Variants in SRPK2 observed in about 807,000 individuals in gnomAD.
The protein encoded by SRPK2 is SRSF protein kinase 2.
Under a neutral mutation model 90.8 loss-of-function variants are expected in SRPK2, and 21 were observed. The observed-to-expected ratio is 0.23, with a 90% CI of 0.16 to 0.33. The LOEUF is 0.33. Among genes scored for constraint, SRPK2 ranks in the 10% least tolerant of loss-of-function variants. SRPK2 has a pLI of 1.00. For missense variants in SRPK2, 620 were observed against 869.0 expected (o/e 0.71, Z 3.60); for synonymous variants, 288 against 311.1 (o/e 0.93, Z 0.78).
chr7:105,117,882 C>T lies in SRPK2; in HGVS notation c.2056G>A (p.Ala686Thr). The T allele has an allele frequency of 6.2e-7, 1 of 1,613,550 alleles. No individual in the cohort carries two copies. The highest frequency in any genetic ancestry group is 1.3e-5 in the African/African-American group (1 of 75,050). ...TGCCGAAGGCATTCGCCAGCTGAGGCTCGTTTTTCTGGAACCATTTCTAAC... is the reference window on the plus strand; with the variant it reads ...TGCCGAAGGCATTCGCCAGCTGAGGTTCGTTTTTCTGGAACCATTTCTAAC... ...PMLEMVPEKR[A>T]SAGECLRHPW... The change falls in exon 16 of 16, where the codon GCC (alanine) becomes ACC (threonine). Residue 686 changes from alanine (A) to threonine (T), a missense_variant. Physicochemically the swap from Ala to Thr is moderately conservative, Grantham distance 58. This residue lies in a region of SRPK2 where 71 missense variants were observed against 123.1 expected (regional missense o/e 0.58). Transcript: ENST00000393651.
chr7:105,379,139 C>T (rs926948135), intron 2 of SRPK2, among the ~76,000 whole-genome samples: 4 of 151,294 alleles, frequency 2.6e-5, no homozygotes, highest in African/African-American at 9.7e-5. Context: ...CAAAGCAAGA[C>T]CCAGTCTCTA....
chr7:105,294,207 G>A (rs1009929183), intron 2 of SRPK2, among the ~76,000 whole-genome samples: 19 of 152,290 alleles, frequency 1.2e-4, no homozygotes, highest in African/African-American at 3.4e-4. Context: ...AAGAAGTTCC[G>A]CAGTTTGAAC....
At chr7:105,303,364 A>G (rs186580563) in intron 2 of SRPK2, among the ~76,000 whole-genome samples, 1 of 152,266 alleles carries the variant, frequency 6.6e-6, no homozygotes, top group African/African-American at 2.4e-5. Context: ...CCTAATGTAA[A>G]TGATGAGTTA....
chr7:105,126,203 G>T, intron 15 of SRPK2, 45 bp downstream of exon 15: 1 of 1,463,024 alleles, frequency 6.8e-7, no homozygotes, highest in Non-Finnish European at 9.6e-7. Flanking sequence ...CTGCTCTTCA[G>T]TTTCTGTCTG....
intron 8 of SRPK2, 122 bp from the exon 9 acceptor site, chr7:105,145,430 T>A: frequency 1.7e-6 from 1 of 603,874 alleles, no homozygotes; most frequent in Non-Finnish European, 2.8e-6. Flanking sequence ...CTTCAAAAAC[T>A]ATTAATCAGA....
At chr7:105,360,772 G>C (rs868453101) in intron 2 of SRPK2, among the ~76,000 whole-genome samples, 1 of 151,990 alleles carries the variant, frequency 6.6e-6, no homozygotes, top group South Asian at 2.1e-4. Flanking sequence ...TGGGTAACCC[G>C]ACAGGCCTTC....
intron 7 of SRPK2, among the ~76,000 whole-genome samples, chr7:105,155,618 G>A (rs1450201026): frequency 2.0e-5 from 3 of 152,264 alleles, no homozygotes; most frequent in Non-Finnish European, 4.4e-5. Context: ...GCAGCCCTAG[G>A]GTTGAGATGG....
At chr7:105,252,348 G>C (rs978963659) in intron 2 of SRPK2, among the ~76,000 whole-genome samples, 3 of 151,888 alleles carry the variant, frequency 2.0e-5, no homozygotes, top group African/African-American at 7.3e-5. Flanking sequence ...AGGAAACAAA[G>C]GGCAAAAGGA....
chr7:105,322,449 A>G (rs538842800), intron 2 of SRPK2, among the ~76,000 whole-genome samples: 1 of 152,274 alleles, frequency 6.6e-6, no homozygotes, highest in South Asian at 2.1e-4. Flanking sequence ...GAACCTCAGA[A>G]ACGTCATGCA....
chr7:105,244,591 C>A, intron 2 of SRPK2: 1 of 633,406 alleles, frequency 1.6e-6, no homozygotes, highest in South Asian at 1.6e-5. Flanking sequence ...ATAAAAAAAT[C>A]CCAGAGTTCC....
At chr7:105,356,844 C>A (rs1817835380) in intron 2 of SRPK2, among the ~76,000 whole-genome samples, 1 of 152,090 alleles carries the variant, frequency 6.6e-6, no homozygotes, top group South Asian at 2.1e-4. Flanking sequence ...GTGGAAGATA[C>A]ATGATAGAGG....
chr7:105,175,527 A>G (rs1791728176), intron 3 of SRPK2, among the ~76,000 whole-genome samples: 1 of 152,138 alleles, frequency 6.6e-6, no homozygotes, highest in African/African-American at 2.4e-5. Context: ...AATATGAACT[A>G]TAAATAAGTA....
chr7:105,219,183 G>A (rs1797814227), intron 2 of SRPK2, among the ~76,000 whole-genome samples: 1 of 152,102 alleles, frequency 6.6e-6, no homozygotes, highest in African/African-American at 2.4e-5. Flanking sequence ...AGTGTAACCA[G>A]ATCACAATCT....
chr7:105,210,192 A>G (rs949082441), intron 2 of SRPK2, among the ~76,000 whole-genome samples: 1 of 152,232 alleles, frequency 6.6e-6, no homozygotes, highest in African/African-American at 2.4e-5. Flanking sequence ...CTCCTTTGCT[A>G]TCAGCTTAGA....
At chr7:105,298,427 A>C (rs9641345) in intron 2 of SRPK2, among the ~76,000 whole-genome samples, 27,471 of 152,052 alleles carry the variant, frequency 0.18, 3,110 homozygotes, top group East Asian at 0.58. Flanking sequence ...CTGTTAAAAA[A>C]GAAATGCTGC....
chr7:105,179,411 GA>G (rs773493893), intron 3 of SRPK2, among the ~76,000 whole-genome samples: 11 of 152,186 alleles, frequency 7.2e-5, no homozygotes, highest in Non-Finnish European at 1.3e-4. Context: ...TCAGAGTTAA[GA>G]GTATTGTCTA....
In SRPK2 at chr7:105,291,599, G is replaced by A. The variant is rs567642315; in HGVS notation, c.72-87814C>T. On this transcript the variant is annotated intron_variant, in intron 2 of 15. Coordinates refer to ENST00000393651, the MANE Select transcript of SRPK2 (RefSeq NM_182692.3). ...CAAAAAATTAGCCGGGCATGGTGGCGCACGCCTATAGTCCCAGCTACTCGG... is the reference window on the plus strand; with the variant it reads ...CAAAAAATTAGCCGGGCATGGTGGCACACGCCTATAGTCCCAGCTACTCGG... Among the ~76,000 whole-genome samples the A allele has an allele frequency of 4.2e-4, 64 of 152,192 alleles. 2 individuals are homozygous for A. The highest frequency in any genetic ancestry group is 3.4e-3 in the Middle Eastern group (1 of 294).
intron 7 of SRPK2, among the ~76,000 whole-genome samples, chr7:105,149,170 C>T (rs539965194): frequency 2.0e-5 from 3 of 152,210 alleles, no homozygotes; most frequent in African/African-American, 7.2e-5. Flanking sequence ...CCTGCCTGCC[C>T]CTGGGAACTG....
intron 2 of SRPK2, among the ~76,000 whole-genome samples, chr7:105,209,562 G>A (rs544994413): frequency 7.0e-6 from 1 of 142,076 alleles, no homozygotes. Flanking sequence ...GAAGAAAATA[G>A]AAAAGGAAAA....
Sources: gnomAD v4.1 joint callset for allele counts (sites outside exome capture counted in the v4.1 genomes callset) on GRCh38, gnomAD v4.1.1 for gene constraint, gnomAD v4.1.1 regional missense constraint, MANE v1.5 for transcripts, NCBI Gene and HGNC (gene_info 2026-07-23, HGNC 2026-07-21) for gene names.